Variants in ADAMTSL1 observed in about 807,000 individuals in gnomAD.
ADAMTSL1 encodes ADAMTS-like protein 1.
ADAMTSL1 carries 126 observed loss-of-function variants against 201.8 expected under a neutral mutation model. The observed-to-expected ratio is 0.62, with a 90% CI of 0.54 to 0.72. ADAMTSL1 has a LOEUF of 0.72. Ranked by LOEUF, ADAMTSL1 falls within the 30% of genes least tolerant of loss-of-function variation. The pLI is 0.00. For missense variants in ADAMTSL1, 2,679 were observed against 2,277.8 expected (o/e 1.18, Z -3.59); for synonymous variants, 1,121 against 903.4 (o/e 1.24, Z -4.32).
intron 15 of ADAMTSL1, among the ~76,000 whole-genome samples, chr9:18,749,806 T>C (rs1362858198): frequency 6.6e-6 from 1 of 152,272 alleles, no homozygotes; most frequent in Non-Finnish European, 1.5e-5. Context: ...AGACAGCTTC[T>C]GCTGACCTCC....
At chr9:18,484,899 G>A (rs1005843770) in intron 1 of ADAMTSL1, among the ~76,000 whole-genome samples, 2 of 152,224 alleles carry the variant, frequency 1.3e-5, no homozygotes, top group Middle Eastern at 3.4e-3. Context: ...TAGGAGTTAC[G>A]GAAAGTAGAG....
At chr9:18,757,407 A>G (rs1244736078) in intron 16 of ADAMTSL1, among the ~76,000 whole-genome samples, 1 of 152,160 alleles carries the variant, frequency 6.6e-6, no homozygotes, top group African/African-American at 2.4e-5. Context: ...TGTGATTGAG[A>G]ATCACTGTTA....
intron 23 of ADAMTSL1, among the ~76,000 whole-genome samples, chr9:18,883,401 G>GTACAT (rs1256208125): frequency 6.6e-6 from 1 of 152,154 alleles, no homozygotes; most frequent in East Asian, 1.9e-4. Context: ...TTTGGAACTG[G>GTACAT]TACATTATCA....
intron 20 of ADAMTSL1, among the ~76,000 whole-genome samples, chr9:18,805,643 C>T (rs899230546): frequency 1.3e-5 from 2 of 152,172 alleles, no homozygotes; most frequent in Admixed American, 1.3e-4. Context: ...GAGATGAGCT[C>T]GGGACACCTA....
At chr9:18,853,753 A>C (rs913465102) in intron 23 of ADAMTSL1, among the ~76,000 whole-genome samples, 1 of 152,168 alleles carries the variant, frequency 6.6e-6, no homozygotes. Context: ...TCAGATCTCT[A>C]TCACTGTCTT....
chr9:18,128,701 T>C (rs1420624103), intron 1 of ADAMTSL1, among the ~76,000 whole-genome samples: 2 of 152,160 alleles, frequency 1.3e-5, no homozygotes, highest in African/African-American at 2.4e-5. Context: ...GTAATTCAGC[T>C]ATGAAACAGA....
intron 23 of ADAMTSL1, among the ~76,000 whole-genome samples, chr9:18,865,341 T>C (rs1390747234): frequency 6.6e-6 from 1 of 152,212 alleles, no homozygotes; most frequent in Non-Finnish European, 1.5e-5. Flanking sequence ...GTTTCCAGCT[T>C]CATCCATGTC....
intron 15 of ADAMTSL1, among the ~76,000 whole-genome samples, chr9:18,747,085 A>G (rs1197106170): frequency 1.3e-5 from 2 of 152,242 alleles, no homozygotes; most frequent in Non-Finnish European, 2.9e-5. Context: ...AAGCACAGGA[A>G]GCCCAGCATT....
intron 2 of ADAMTSL1, among the ~76,000 whole-genome samples, chr9:18,169,293 G>T (rs1009471267): frequency 6.6e-6 from 1 of 151,566 alleles, no homozygotes; most frequent in Admixed American, 6.6e-5. Context: ...ATCTTGAATT[G>T]ATTTTTGTAT....
chr9:18,000,793 T>C (rs1819580215), intron 1 of ADAMTSL1, among the ~76,000 whole-genome samples: 1 of 152,094 alleles, frequency 6.6e-6, no homozygotes, highest in Non-Finnish European at 1.5e-5. Context: ...TCTGCAGATG[T>C]CATAGGCCAG....
chr9:18,249,237 T>C (rs1245402243), intron 2 of ADAMTSL1, among the ~76,000 whole-genome samples: 2 of 152,218 alleles, frequency 1.3e-5, no homozygotes, highest in African/African-American at 4.8e-5. Flanking sequence ...TAGGATATTA[T>C]AAAAATATTC....
At chr9:18,315,821 T>C (rs1316606260) in intron 2 of ADAMTSL1, among the ~76,000 whole-genome samples, 1 of 152,100 alleles carries the variant, frequency 6.6e-6, no homozygotes, top group Non-Finnish European at 1.5e-5. Flanking sequence ...ACAGCCAGAG[T>C]GGACACCAAG....
chr9:18,764,737 T>A (rs1296201236), intron 16 of ADAMTSL1, among the ~76,000 whole-genome samples: 1 of 152,226 alleles, frequency 6.6e-6, no homozygotes, highest in Non-Finnish European at 1.5e-5. Context: ...CAGATCAAAG[T>A]GAAGGGCATT....
chr9:18,661,613 AATTCTGC>A (rs1829097696), intron 8 of ADAMTSL1, among the ~76,000 whole-genome samples: 1 of 152,192 alleles, frequency 6.6e-6, no homozygotes, highest in African/African-American at 2.4e-5. Flanking sequence ...TTGGACACAG[AATTCTGC>A]ATTATATTTT....
intron 4 of ADAMTSL1, chr9:18,574,580 A>T (rs1822582115): frequency 2.2e-6 from 1 of 454,610 alleles, no homozygotes; most frequent in Non-Finnish European, 3.7e-6. Context: ...CTATTCCTGA[A>T]GTGTGTGTTT....
chr9:18,181,518 C>G lies in ADAMTSL1; in HGVS notation c.207+17537C>G, dbSNP rs559914234. Among the ~76,000 whole-genome samples, 9 of 151,532 alleles carry G rather than the reference C, an allele frequency of 5.9e-5. No homozygotes were observed. The South Asian group carries it at 6.3e-4, about 11-fold the overall frequency. Reference sequence around the variant, plus strand: ...TCTCAAAAGAAGACATTTATGCAGCCAAAAAACACATGAAAAAATGCTCAC... The same window carrying G: ...TCTCAAAAGAAGACATTTATGCAGCGAAAAAACACATGAAAAAATGCTCAC... On this transcript the variant is annotated intron_variant, in intron 2 of 29. Coordinates refer to the ADAMTSL1 transcript ENST00000680146.
At chr9:18,787,470 T>G (rs1450003222) in intron 19 of ADAMTSL1, among the ~76,000 whole-genome samples, 1 of 152,094 alleles carries the variant, frequency 6.6e-6, no homozygotes, top group Non-Finnish European at 1.5e-5. Flanking sequence ...AGCAGTTAGT[T>G]TACTCTTCCT....
chr9:18,901,722 A>C (rs56768484), intron 26 of ADAMTSL1, among the ~76,000 whole-genome samples: 1,650 of 152,316 alleles, frequency 0.011, 21 homozygotes, highest in African/African-American at 0.029. Context: ...TAATCACAAA[A>C]GACAACATAA....
intron 2 of ADAMTSL1, among the ~76,000 whole-genome samples, chr9:18,317,424 G>A (rs1033610809): frequency 1.4e-4 from 19 of 138,860 alleles, no homozygotes; most frequent in African/African-American, 4.4e-4. Flanking sequence ...ACACACACAC[G>A]TACATGAGCA....
Sources: gnomAD v4.1 joint callset for allele counts (sites outside exome capture counted in the v4.1 genomes callset) on GRCh38, gnomAD v4.1.1 for gene constraint, MANE v1.5 for transcripts, NCBI Gene and HGNC (gene_info 2026-07-23, HGNC 2026-07-21) for gene names.